The following SORCS1 variants were observed in gnomAD, a reference collection of about 807,000 sequenced individuals.
SORCS1 encodes VPS10 domain-containing receptor SorCS1.
In SORCS1, 60 loss-of-function variants were observed where a neutral mutation model predicts 146.1. The ratio of observed to expected loss-of-function variants is 0.41; its 90% CI spans 0.33 to 0.51. SORCS1 has a LOEUF of 0.51. Among genes scored for constraint, SORCS1 ranks in the 20% least tolerant of loss-of-function variants. The pLI is 0.21. For missense variants in SORCS1, 1,352 were observed against 1,487.6 expected (o/e 0.91, Z 1.50); for synonymous variants, 637 against 584.0 (o/e 1.09, Z -1.31).
chr10:107,066,886 T>C (rs1209012648), intron 1 of SORCS1, among the ~76,000 whole-genome samples: 4 of 152,192 alleles, frequency 2.6e-5, no homozygotes. Flanking sequence ...CTCTGTAATA[T>C]AATCTTGCTT....
chr10:106,783,330 G>A (rs1448631349), intron 3 of SORCS1, among the ~76,000 whole-genome samples: 1 of 152,232 alleles, frequency 6.6e-6, no homozygotes, highest in Admixed American at 6.5e-5. Flanking sequence ...AGGTTGCACA[G>A]CTAGTCAGTG....
At chr10:106,665,295 G>A (rs868203076) in intron 17 of SORCS1, among the ~76,000 whole-genome samples, 4 of 152,046 alleles carry the variant, frequency 2.6e-5, no homozygotes, top group Admixed American at 6.5e-5. Context: ...GAAAGGAGAA[G>A]GGGCTTTGTC....
chr10:106,890,740 T>C (rs1382696846), intron 2 of SORCS1, among the ~76,000 whole-genome samples: 1 of 152,204 alleles, frequency 6.6e-6, no homozygotes, highest in African/African-American at 2.4e-5. Flanking sequence ...ATTGGCCCTG[T>C]TTGTACCTCT....
At chr10:106,942,041 C>A (rs1954070566) in intron 2 of SORCS1, among the ~76,000 whole-genome samples, 1 of 152,154 alleles carries the variant, frequency 6.6e-6, no homozygotes, top group Non-Finnish European at 1.5e-5. Flanking sequence ...CATATAAATG[C>A]AGAAAAATAG....
intron 1 of SORCS1, among the ~76,000 whole-genome samples, chr10:107,085,771 G>C (rs148692027): frequency 6.6e-6 from 1 of 152,272 alleles, no homozygotes; most frequent in East Asian, 1.9e-4. Context: ...ATTATATGAA[G>C]AATCCTTTTC....
At chr10:106,833,415 T>C (rs1323405214) in intron 2 of SORCS1, among the ~76,000 whole-genome samples, 1 of 152,174 alleles carries the variant, frequency 6.6e-6, no homozygotes. Flanking sequence ...AGATAGAGTG[T>C]TGACAAGTTT....
At chr10:106,864,195 A>G (rs2137480883) in intron 2 of SORCS1, among the ~76,000 whole-genome samples, 1 of 152,338 alleles carries the variant, frequency 6.6e-6, no homozygotes, top group South Asian at 2.1e-4. Flanking sequence ...TTCAACTGAA[A>G]CAACCAGGTG....
rs575170957 is a variant in SORCS1 at position 107,056,912 on chromosome 10, A to G, written c.559-100332T>C. Among the ~76,000 whole-genome samples, 3 of 152,340 alleles carry G rather than the reference A, an allele frequency of 2.0e-5. No individual in the cohort carries two copies. In the South Asian group the frequency reaches 6.2e-4, roughly 32 times the overall value. ...AAACAAGACAATTTAAGCTGAGTTTATGTTCATTCCCTATTTATGCCTGTC... is the reference window on the plus strand; with the variant it reads ...AAACAAGACAATTTAAGCTGAGTTTGTGTTCATTCCCTATTTATGCCTGTC... On this transcript the variant is annotated intron_variant, in intron 1 of 25. Transcript: ENST00000263054.
intron 2 of SORCS1, among the ~76,000 whole-genome samples, chr10:106,894,252 T>C (rs2020967): frequency 0.34 from 50,512 of 149,642 alleles, 9,347 homozygotes; most frequent in Non-Finnish European, 0.42. Flanking sequence ...TGTGTGTGTG[T>C]GCGCGCGCGC....
At chr10:106,988,971 C>T (rs1276304166) in intron 1 of SORCS1, among the ~76,000 whole-genome samples, 2 of 151,782 alleles carry the variant, frequency 1.3e-5, no homozygotes, top group African/African-American at 2.4e-5. Context: ...TAGAATACTG[C>T]AAGTGCCTCC....
intron 1 of SORCS1, among the ~76,000 whole-genome samples, chr10:106,963,756 A>T (rs1267054797): frequency 6.6e-6 from 1 of 152,212 alleles, no homozygotes; most frequent in Non-Finnish European, 1.5e-5. Flanking sequence ...CAGCTCCAAA[A>T]TTCTGCAGAT....
chr10:106,605,389 G>A (rs1846506210), intron 23 of SORCS1, among the ~76,000 whole-genome samples: 1 of 152,154 alleles, frequency 6.6e-6, no homozygotes, highest in African/African-American at 2.4e-5. Flanking sequence ...AACATGGAAA[G>A]TGTGAGAAAT....
intron 1 of SORCS1, among the ~76,000 whole-genome samples, chr10:107,111,075 T>C (rs1965665499): frequency 1.3e-5 from 2 of 152,158 alleles, no homozygotes; most frequent in Admixed American, 1.3e-4. Flanking sequence ...ATGAGGAGGC[T>C]TTTCCTGCCA....
At chr10:106,982,816 CATTA>C (rs1471080475) in intron 1 of SORCS1, among the ~76,000 whole-genome samples, 1 of 152,096 alleles carries the variant, frequency 6.6e-6, no homozygotes, top group Non-Finnish European at 1.5e-5. Flanking sequence ...AAAATTCACC[CATTA>C]ATATGTTGCT....
chr10:107,108,636 T>C (rs1027320115), intron 1 of SORCS1, among the ~76,000 whole-genome samples: 10 of 152,216 alleles, frequency 6.6e-5, no homozygotes, highest in African/African-American at 1.9e-4. Context: ...ATCCACACTA[T>C]ATCATTCCAC....
At chr10:106,787,983 G>A (rs1457623797) in intron 3 of SORCS1, among the ~76,000 whole-genome samples, 2 of 152,148 alleles carry the variant, frequency 1.3e-5, no homozygotes, top group Non-Finnish European at 2.9e-5. Flanking sequence ...GTTCATAGAT[G>A]GTTTGGCTTT....
chr10:106,822,637 C>CA (rs1589475431), intron 3 of SORCS1, among the ~76,000 whole-genome samples: 2 of 151,896 alleles, frequency 1.3e-5, no homozygotes, highest in Non-Finnish European at 2.9e-5. Flanking sequence ...CAGCGGTACC[C>CA]AAAAAAAGAT....
intron 6 of SORCS1, among the ~76,000 whole-genome samples, chr10:106,719,603 G>A (rs910323379): frequency 8.6e-5 from 13 of 152,008 alleles, no homozygotes; most frequent in African/African-American, 3.1e-4. Flanking sequence ...AGTAGAGACG[G>A]GGTTTCACCA....
chr10:106,652,239 A>G, intron 18 of SORCS1, 143 bp downstream of exon 18: 1 of 780,294 alleles, frequency 1.3e-6, no homozygotes. Flanking sequence ...ATAAAAGAAA[A>G]ACAAGGAACT....
Sources: allele counts gnomAD v4.1 joint callset (sites outside exome capture counted in the v4.1 genomes callset), GRCh38; gene constraint gnomAD v4.1.1; transcripts MANE v1.5; gene names NCBI Gene and HGNC (gene_info 2026-07-23, HGNC 2026-07-21).